The following CD200 variants were observed in gnomAD, a reference collection of about 807,000 sequenced individuals.
CD200 encodes the protein OX-2 membrane glycoprotein.
A neutral mutation model predicts 30.9 loss-of-function variants in CD200; 15 were observed. The ratio of observed to expected loss-of-function variants is 0.49; its 90% CI spans 0.32 to 0.75. CD200 has a LOEUF of 0.75. CD200 is among the 30% of genes least tolerant of loss of function. The pLI, the probability that CD200 is intolerant of heterozygous loss-of-function variation, is 0.03. For synonymous variants in CD200, 134 were observed against 126.2 expected, an observed-to-expected ratio of 1.06 and a Z score of -0.41; for missense variants, 262 against 324.2, an observed-to-expected ratio of 0.81 and a Z score of 1.47.
At chr3:112,351,009 T>C (rs887131457) in intron 5 of CD200, among the ~76,000 whole-genome samples, 1 of 152,172 alleles carries the variant, frequency 6.6e-6, no homozygotes. Flanking sequence ...CAGTTAATCT[T>C]ACTACACATA....
At chr3:112,356,379 T>G (rs1202642809) in intron 5 of CD200, among the ~76,000 whole-genome samples, 2 of 152,162 alleles carry the variant, frequency 1.3e-5, no homozygotes, top group African/African-American at 4.8e-5. Context: ...AAACAGAAAT[T>G]TTATGTATTT....
intron 1 of CD200, among the ~76,000 whole-genome samples, chr3:112,335,445 T>G (rs2081091120): frequency 6.6e-6 from 1 of 152,344 alleles, no homozygotes; most frequent in Non-Finnish European, 1.5e-5. Flanking sequence ...AAAGAATAAT[T>G]TGTCCTAATG....
intron 5 of CD200, among the ~76,000 whole-genome samples, chr3:112,355,607 A>C (rs182832036): frequency 9.7e-4 from 147 of 152,314 alleles, no homozygotes; most frequent in African/African-American, 3.3e-3. Flanking sequence ...CCCGCTTATC[A>C]TAACGTATTA....
At chr3:112,344,896 A>G in intron 2 of CD200, 66 bp from the exon 3 acceptor site, 1 of 1,187,132 alleles carries the variant, frequency 8.4e-7, no homozygotes, top group Non-Finnish European at 1.2e-6. Flanking sequence ...CATTTTATTT[A>G]TAATCAGGAA....
At chr3:112,335,866 A>G (rs1478892224) in intron 1 of CD200, 8 of 1,000,676 alleles carry the variant, frequency 8.0e-6, no homozygotes, top group Non-Finnish European at 1.3e-5. Context: ...AACCACCTCC[A>G]GGGTACAAGT....
At chr3:112,357,103 T>C (rs1340164292) in intron 5 of CD200, among the ~76,000 whole-genome samples, 2 of 151,202 alleles carry the variant, frequency 1.3e-5, no homozygotes, top group Non-Finnish European at 2.9e-5. Context: ...CTACTAAAAA[T>C]ATAAAAAATT....
intron 5 of CD200, among the ~76,000 whole-genome samples, chr3:112,357,269 AAAAAAG>A (rs1195982710): frequency 9.5e-4 from 142 of 149,090 alleles, no homozygotes; most frequent in African/African-American, 3.4e-3. Flanking sequence ...AAAAAAAAAA[AAAAAAG>A]AAAGAAAGAA....
intron 5 of CD200, among the ~76,000 whole-genome samples, chr3:112,352,540 TGAGAGAGAGAGAGA>T (rs3083141): frequency 6.7e-6 from 1 of 149,852 alleles, no homozygotes; most frequent in East Asian, 2.0e-4. Flanking sequence ...GAGGTGGAAC[TGAGAGAGAGAGAGA>T]GAGAGAGAGA....
intron 2 of CD200, among the ~76,000 whole-genome samples, chr3:112,342,545 C>A (rs558578717): frequency 4.6e-5 from 7 of 151,866 alleles, no homozygotes; most frequent in Non-Finnish European, 1.0e-4. Flanking sequence ...GCCTCAGCCT[C>A]CTGAGTAGCT....
chr3:112,345,321 G>A (rs1200299160), intron 3 of CD200, 33 bp downstream of exon 3: 2 of 1,544,602 alleles, frequency 1.3e-6, no homozygotes, highest in African/African-American at 1.4e-5. Flanking sequence ...GTCTGTGTCT[G>A]GAAATACTAT....
At chr3:112,333,851 C>T in intron 1 of CD200, 1 of 985,318 alleles carries the variant, frequency 1.0e-6, no homozygotes, top group Non-Finnish European at 1.2e-6. Flanking sequence ...AAGGGTTAAC[C>T]CCGGGTATCT....
intron 1 of CD200, among the ~76,000 whole-genome samples, chr3:112,339,652 A>G (rs755844841): frequency 1.3e-5 from 2 of 152,252 alleles, no homozygotes; most frequent in African/African-American, 4.8e-5. Context: ...ATGCTTGTCC[A>G]TCATGGCAAG....
chr3:112,353,831 C>T (rs538036405), intron 5 of CD200, among the ~76,000 whole-genome samples: 21 of 152,232 alleles, frequency 1.4e-4, no homozygotes, highest in Admixed American at 1.0e-3. Context: ...CTTATGCTTC[C>T]CTGACAGAGG....
chr3:112,357,439 AG>A (rs2108473226), intron 5 of CD200, among the ~76,000 whole-genome samples: 1 of 152,310 alleles, frequency 6.6e-6, no homozygotes, highest in Non-Finnish European at 1.5e-5. Flanking sequence ...TTTAACCATC[AG>A]CGTGAGCCAA....
chr3:112,350,211 C>T (rs941775715), intron 5 of CD200, among the ~76,000 whole-genome samples: 2 of 152,146 alleles, frequency 1.3e-5, no homozygotes, highest in Admixed American at 6.5e-5. Context: ...TATGATCACT[C>T]ATTAAGTAGC....
chr3:112,336,549 A>G (rs1402409671), intron 1 of CD200, among the ~76,000 whole-genome samples: 1 of 151,946 alleles, frequency 6.6e-6, no homozygotes, highest in Admixed American at 6.6e-5. Context: ...TGGGATTCCC[A>G]CAGGTAGAAC....
In CD200 at chr3:112,333,195, G is replaced by A. The variant is rs765509867; in HGVS notation, c.-18G>A. The A allele has an allele frequency of 3.2e-6, 5 of 1,549,732 alleles. No homozygotes were observed. The highest frequency in any genetic ancestry group is 4.4e-6 in the Non-Finnish European group (5 of 1,146,566). The stretch of plus-strand genomic sequence containing the variant: ...ACATCCGCAGTCAGCCACCTCGCGC[G>A]CGCCTCCAGGAGCAAGGATGGAGAG... On this transcript the variant is annotated 5_prime_UTR_variant, in exon 1 of 6. Transcript: ENST00000315711.
intron 3 of CD200, among the ~76,000 whole-genome samples, chr3:112,346,237 G>A (rs1477677115): frequency 6.6e-6 from 1 of 151,458 alleles, no homozygotes; most frequent in Non-Finnish European, 1.5e-5. Flanking sequence ...TCTCCTCCCT[G>A]TCTCCTTCCT....
chr3:112,340,635 G>A (rs578242909), intron 1 of CD200, among the ~76,000 whole-genome samples: 109 of 152,282 alleles, frequency 7.2e-4, no homozygotes, highest in African/African-American at 2.6e-3. Flanking sequence ...CCTCGCTCTT[G>A]ACAATGGTGG....
Sources: gnomAD v4.1 joint callset for allele counts (sites outside exome capture counted in the v4.1 genomes callset) on GRCh38, gnomAD v4.1.1 for gene constraint, MANE v1.5 for transcripts, NCBI Gene and HGNC (gene_info 2026-07-23, HGNC 2026-07-21) for gene names.